Variants in RBFOX1 observed in about 807,000 individuals in gnomAD.
The protein encoded by RBFOX1 is RNA binding fox-1 homolog 1, also known as RNA binding protein fox-1 homolog 1.
Under a neutral mutation model 57.7 loss-of-function variants are expected in RBFOX1, and 8 were observed. The ratio of observed to expected loss-of-function variants is 0.14; its 90% CI spans 0.08 to 0.25. The LOEUF (loss-of-function observed/expected upper bound fraction) is 0.25. RBFOX1 is among the 10% of genes least tolerant of loss of function. The pLI is 1.00. For synonymous variants in RBFOX1, 326 were observed against 222.4 expected (o/e 1.47, Z -4.15); for missense variants, 611 against 548.5 (o/e 1.11, Z -1.14).
intron 1 of RBFOX1, among the ~76,000 whole-genome samples, chr16:6,304,969 A>G (rs1379090378): frequency 6.6e-6 from 1 of 152,086 alleles, no homozygotes; most frequent in Admixed American, 6.5e-5. Context: ...ACAACAATCA[A>G]CAGAACTAGT....
At chr16:6,787,962 T>C (rs1193718068) in intron 3 of RBFOX1, among the ~76,000 whole-genome samples, 36 of 151,652 alleles carry the variant, frequency 2.4e-4, no homozygotes, top group African/African-American at 8.5e-4. Context: ...GTGGCTCATG[T>C]CTGTAATCCC....
chr16:5,679,792 A>C (rs1284634519), intron 3 of RBFOX1, among the ~76,000 whole-genome samples: 2 of 152,174 alleles, frequency 1.3e-5, no homozygotes, highest in African/African-American at 4.8e-5. Context: ...GTGACATTGC[A>C]TAAGCTCCTT....
chr16:5,860,376 A>C (rs546826129), intron 3 of RBFOX1, among the ~76,000 whole-genome samples: 2 of 152,198 alleles, frequency 1.3e-5, no homozygotes, highest in South Asian at 2.1e-4. Flanking sequence ...CGCCTGGCCT[A>C]CTTCACCACT....
chr16:6,365,473 T>G (rs1240711538), intron 2 of RBFOX1, among the ~76,000 whole-genome samples: 1 of 151,964 alleles, frequency 6.6e-6, no homozygotes, highest in East Asian at 1.9e-4. Flanking sequence ...GATGGGTGGG[T>G]GGATGGGTAG....
At chr16:6,331,578 G>A (rs984730807) in intron 2 of RBFOX1, among the ~76,000 whole-genome samples, 11 of 136,538 alleles carry the variant, frequency 8.1e-5, no homozygotes, top group Non-Finnish European at 1.1e-4. Context: ...ATGTGTGTGT[G>A]TATATATATA....
chr16:5,452,455 A>G (rs1383581349), intron 1 of RBFOX1, among the ~76,000 whole-genome samples: 1 of 151,764 alleles, frequency 6.6e-6, no homozygotes, highest in Non-Finnish European at 1.5e-5. Context: ...GTCACTGGAT[A>G]CTACAGATTT....
intron 4 of RBFOX1, chr16:7,304,446 C>G (rs1419394718): frequency 5.8e-5 from 57 of 985,218 alleles, no homozygotes; most frequent in Non-Finnish European, 6.5e-5. Context: ...GCATGTGTCC[C>G]CAGCTTTCGT....
intron 4 of RBFOX1, among the ~76,000 whole-genome samples, chr16:7,159,354 G>T (rs1392693511): frequency 1.3e-5 from 2 of 152,108 alleles, no homozygotes; most frequent in Admixed American, 1.3e-4. Flanking sequence ...GCAAGCCCCT[G>T]GTGAACCTGC....
intron 14 of RBFOX1, among the ~76,000 whole-genome samples, chr16:7,683,331 C>T (rs1206199798): frequency 6.6e-6 from 1 of 151,092 alleles, no homozygotes; most frequent in Non-Finnish European, 1.5e-5. Flanking sequence ...CACACAGAGA[C>T]AGACAGACAG....
intron 2 of RBFOX1, among the ~76,000 whole-genome samples, chr16:6,392,602 T>G (rs1056942165): frequency 1.3e-5 from 2 of 152,212 alleles, no homozygotes; most frequent in African/African-American, 4.8e-5. Flanking sequence ...AATATCCCTT[T>G]GCTCTCCTCC....
intron 2 of RBFOX1, among the ~76,000 whole-genome samples, chr16:5,582,162 C>T (rs980152625): frequency 6.6e-6 from 1 of 152,192 alleles, no homozygotes; most frequent in Non-Finnish European, 1.5e-5. Flanking sequence ...ATTACTCTCG[C>T]CCCGGGAGTA....
At chr16:6,589,287 C>A (rs188719798) in intron 2 of RBFOX1, among the ~76,000 whole-genome samples, 2 of 152,318 alleles carry the variant, frequency 1.3e-5, no homozygotes, top group Admixed American at 1.3e-4. Flanking sequence ...AGGGAAATTG[C>A]AATAGAAAAT....
chr16:5,627,503 G>C (rs1234534535), intron 3 of RBFOX1, among the ~76,000 whole-genome samples: 1 of 152,044 alleles, frequency 6.6e-6, no homozygotes, highest in African/African-American at 2.4e-5. Flanking sequence ...CAAAGCAATA[G>C]ATTACAAAAT....
At chr16:7,460,371 AT>A (rs2059321032) in intron 4 of RBFOX1, among the ~76,000 whole-genome samples, 1 of 35,750 alleles carries the variant, frequency 2.8e-5, no homozygotes, top group East Asian at 1.2e-3. Context: ...ATTTAGCAAA[AT>A]ATATATATAT....
At chr16:6,906,066 A>G (rs1263995477) in intron 3 of RBFOX1, among the ~76,000 whole-genome samples, 1 of 152,096 alleles carries the variant, frequency 6.6e-6, no homozygotes, top group Non-Finnish European at 1.5e-5. Flanking sequence ...GCTCATCTCC[A>G]CCTGATACTT....
At chr16:7,177,648 A>G (rs930189304) in intron 4 of RBFOX1, among the ~76,000 whole-genome samples, 4 of 152,122 alleles carry the variant, frequency 2.6e-5, no homozygotes, top group Admixed American at 2.6e-4. Flanking sequence ...TATTAACTAG[A>G]TTGAACCAGG....
At chr16:7,014,184 A>T (rs1271196033) in intron 3 of RBFOX1, among the ~76,000 whole-genome samples, 1 of 151,934 alleles carries the variant, frequency 6.6e-6, no homozygotes, top group Non-Finnish European at 1.5e-5. Flanking sequence ...AAATGAAAAT[A>T]ACCTGTTCAA....
intron 1 of RBFOX1, among the ~76,000 whole-genome samples, chr16:5,278,113 T>G (rs13337619): frequency 3.9e-5 from 6 of 152,188 alleles, no homozygotes; most frequent in Non-Finnish European, 7.4e-5. Context: ...CTAATTTACA[T>G]TGCCACCAAC....
intron 1 of RBFOX1, chr16:5,366,407 G>A: frequency 2.3e-6 from 1 of 437,566 alleles, no homozygotes; most frequent in Non-Finnish European, 4.4e-6. Flanking sequence ...AGATACTCCA[G>A]CCAAAAATGC....
Sources: allele counts gnomAD v4.1 joint callset (sites outside exome capture counted in the v4.1 genomes callset), GRCh38; gene constraint gnomAD v4.1.1; transcripts MANE v1.5; gene names NCBI Gene and HGNC (gene_info 2026-07-23, HGNC 2026-07-21).